The following NFIA variants were observed in gnomAD, a reference collection of about 807,000 sequenced individuals.
NFIA encodes the protein nuclear factor 1 A-type.
Under a neutral mutation model 62.8 loss-of-function variants are expected in NFIA, and 8 were observed. That is an observed-to-expected ratio of 0.13 (90% confidence interval 0.07 to 0.23). The LOEUF (loss-of-function observed/expected upper bound fraction) is 0.23. Ranked by LOEUF, NFIA falls within the 10% of genes least tolerant of loss-of-function variation. The probability of loss-of-function intolerance (pLI) is 1.00; values close to 1 mark genes in which losing one functional copy is unlikely to be tolerated. For missense variants in NFIA, 410 were observed against 642.1 expected (o/e 0.64, Z 3.91); for synonymous variants, 235 against 238.1 (o/e 0.99, Z 0.12).
intron 9 of NFIA, among the ~76,000 whole-genome samples, chr1:61,411,886 G>A (rs879295874): frequency 6.6e-6 from 1 of 151,664 alleles, no homozygotes; most frequent in Non-Finnish European, 1.5e-5. Context: ...GACCAATGTG[G>A]TGAGATCAGG....
Position 61,335,201 on chromosome 1 carries a change from G to A in NFIA, c.700+2615G>A, listed in dbSNP as rs545813457. Among the ~76,000 whole-genome samples the A allele has an allele frequency of 1.4e-3, 219 of 152,310 alleles. 1 individual carries two copies. Among genetic ancestry groups the A allele is most frequent in the Non-Finnish European group, 2.1e-3 (140 of 68,022 alleles). On this transcript the variant is annotated intron_variant, in intron 4 of 10. Transcript: ENST00000403491. Reference sequence around the variant, plus strand: ...CTGACGGAAACTGTTTGGCAAGAGTGGGTCTGGGCTGTGTCAGCTCGATCA... The same window carrying A: ...CTGACGGAAACTGTTTGGCAAGAGTAGGTCTGGGCTGTGTCAGCTCGATCA...
intron 2 of NFIA, among the ~76,000 whole-genome samples, chr1:61,095,654 A>G (rs1046147917): frequency 6.6e-6 from 1 of 152,132 alleles, no homozygotes; most frequent in Non-Finnish European, 1.5e-5. Context: ...ATGATGTTAC[A>G]CTTGTCACTG....
chr1:61,363,462 C>T (rs4915738), intron 6 of NFIA, among the ~76,000 whole-genome samples: 5 of 151,942 alleles, frequency 3.3e-5, no homozygotes, highest in Admixed American at 6.6e-5. Context: ...AAATTAGCTG[C>T]GCATGGTGCT....
chr1:61,395,355 A>G (rs961063438), intron 7 of NFIA, among the ~76,000 whole-genome samples: 2 of 151,400 alleles, frequency 1.3e-5, no homozygotes, highest in African/African-American at 2.4e-5. Context: ...GTCGTTACGC[A>G]AGAAGCATCT....
chr1:61,288,736 T>C (rs577358282), intron 3 of NFIA, among the ~76,000 whole-genome samples: 1 of 152,260 alleles, frequency 6.6e-6, no homozygotes, highest in South Asian at 2.1e-4. Context: ...AGTACAGTTC[T>C]GACAGGTGGG....
chr1:61,281,660 C>A (rs996080642), intron 3 of NFIA, among the ~76,000 whole-genome samples: 2 of 152,138 alleles, frequency 1.3e-5, no homozygotes, highest in African/African-American at 4.8e-5. Flanking sequence ...GTTGCTGGAA[C>A]CTTCAGAATG....
intron 2 of NFIA, among the ~76,000 whole-genome samples, chr1:61,208,225 A>G (rs1653023240): frequency 6.6e-6 from 1 of 152,044 alleles, no homozygotes; most frequent in African/African-American, 2.4e-5. Flanking sequence ...GTTTTTGTAC[A>G]CCAGTAAAAT....
intron 2 of NFIA, among the ~76,000 whole-genome samples, chr1:61,256,761 T>A (rs1218278735): frequency 3.9e-5 from 6 of 152,188 alleles, no homozygotes; most frequent in Admixed American, 3.9e-4. Flanking sequence ...AGGTCTGTAG[T>A]TAGCAAAATA....
chr1:61,191,878 G>T (rs751444598), intron 2 of NFIA, among the ~76,000 whole-genome samples: 1 of 152,184 alleles, frequency 6.6e-6, no homozygotes, highest in Admixed American at 6.5e-5. Context: ...ATTTGGCCTT[G>T]CCCTTACAGA....
rs58081092 is a variant in NFIA, at chr1:61,406,543, G to GCCC, written c.1255-7_1255-5dup. On this transcript the variant is annotated intron_variant, in intron 8 of 10. Transcript: ENST00000403491. ...TCTTTTTCTTGTACGTGTGTTTTCT[G>GCCC]CCCCCCCCCCCCCCACAGCCCAATG... 162 of 877,316 alleles carry GCCC rather than the reference G, an allele frequency of 1.8e-4. No individual in the cohort carries two copies. Among genetic ancestry groups the GCCC allele is most frequent in the Admixed American group, 2.7e-4 (7 of 25,494 alleles). The allele number at this position is 877,316 out of a possible 1,614,324, so 54.3% of individuals were successfully genotyped here.
In NFIA at chr1:61,219,708, C is replaced by T. The variant is rs148321926; in HGVS notation, c.560-57812C>T. On this transcript the variant is annotated intron_variant, in intron 2 of 10. Coordinates refer to ENST00000403491, the MANE Select transcript of NFIA (RefSeq NM_001134673.4). ...CATCCTGGGTGACAGAGCGAGACTC[C>T]GTCTCAAAAAAAAAAAAAGAAAAAA... Among the ~76,000 whole-genome samples, 647 of 65,676 alleles carry T rather than the reference C, an allele frequency of 9.9e-3. 5 individuals are homozygous for T. The highest frequency in any genetic ancestry group is 0.055 in the East Asian group (82 of 1,486). The allele number at this position is 65,676 out of a possible 152,430, so 43.1% of individuals were successfully genotyped here.
intron 2 of NFIA, among the ~76,000 whole-genome samples, chr1:61,108,537 A>G (rs1381746203): frequency 1.3e-5 from 2 of 151,676 alleles, no homozygotes; most frequent in Non-Finnish European, 3.0e-5. Context: ...ACAGTGAGAA[A>G]GATGTTCATT....
chr1:61,083,484 G>A (rs907627379), intron 1 of NFIA, among the ~76,000 whole-genome samples: 6 of 152,148 alleles, frequency 3.9e-5, no homozygotes, highest in Non-Finnish European at 5.9e-5. Context: ...CCCGGACAGC[G>A]CCCCTCGGAC....
chr1:61,274,063 C>T (rs1657669586), intron 2 of NFIA, among the ~76,000 whole-genome samples: 1 of 152,114 alleles, frequency 6.6e-6, no homozygotes, highest in African/African-American at 2.4e-5. Context: ...ATTGTACAAG[C>T]GTTTGGAAGC....
chr1:61,385,380 A>G (rs1470876629), intron 7 of NFIA, among the ~76,000 whole-genome samples: 1 of 152,232 alleles, frequency 6.6e-6, no homozygotes, highest in Non-Finnish European at 1.5e-5. Context: ...TATGCCAGCA[A>G]TCAGGAGAGC....
chr1:61,213,383 G>A (rs1312095029), intron 2 of NFIA, among the ~76,000 whole-genome samples: 2 of 152,208 alleles, frequency 1.3e-5, no homozygotes, highest in Non-Finnish European at 2.9e-5. Flanking sequence ...GTGAAGATAT[G>A]TGTTCACATG....
rs948788662 is a variant in NFIA, at chr1:61,262,939, CCTTGCCGCATATTGTTT to C, written c.560-14579_560-14563del. Among the ~76,000 whole-genome samples the C allele has an allele frequency of 6.6e-5, 10 of 152,152 alleles. No individual in the cohort carries two copies. The East Asian group carries it at 7.7e-4, about 12-fold the overall frequency. On this transcript the variant is annotated intron_variant, in intron 2 of 10. Coordinates refer to ENST00000403491, the MANE Select transcript of NFIA (RefSeq NM_001134673.4). ...ACACTAACCTGATAATTCGGAGACA[CCTTGCCGCATATTGTTT>C]CACCTTTAATTCTTGAATAAACTCT...
At chr1:61,184,797 GA>G (rs113079376) in intron 2 of NFIA, among the ~76,000 whole-genome samples, 23,639 of 152,192 alleles carry the variant, frequency 0.16, 2,909 homozygotes, top group African/African-American at 0.32. Flanking sequence ...GAAACGAGAG[GA>G]AAATGGTAAA....
At chr1:61,209,450 A>C (rs1653102447) in intron 2 of NFIA, among the ~76,000 whole-genome samples, 2 of 152,146 alleles carry the variant, frequency 1.3e-5, no homozygotes, top group South Asian at 4.1e-4. Context: ...ACAGCTCTCA[A>C]GGTACACATC....
Sources: allele counts gnomAD v4.1 joint callset (sites outside exome capture counted in the v4.1 genomes callset), GRCh38; gene constraint gnomAD v4.1.1; transcripts MANE v1.5; gene names NCBI Gene and HGNC (gene_info 2026-07-23, HGNC 2026-07-21).